The following KALRN variants were observed in gnomAD, a reference collection of about 807,000 sequenced individuals.
KALRN encodes kalirin RhoGEF kinase.
In KALRN, 70 loss-of-function variants were observed where a neutral mutation model predicts 353.7. The observed-to-expected ratio is 0.20, with a 90% CI of 0.16 to 0.24. The LOEUF (loss-of-function observed/expected upper bound fraction) is 0.24. Among genes scored for constraint, KALRN ranks in the 10% least tolerant of loss-of-function variants. The probability of loss-of-function intolerance (pLI) is 1.00; values close to 1 mark genes in which losing one functional copy is unlikely to be tolerated. For missense variants in KALRN, 2,791 were observed against 3,756.7 expected (o/e 0.74, Z 6.72); for synonymous variants, 1,391 against 1,434.8 (o/e 0.97, Z 0.69).
At chr3:124,458,523 TA>T (rs2107631772) in intron 23 of KALRN, among the ~76,000 whole-genome samples, 1 of 152,312 alleles carries the variant, frequency 6.6e-6, no homozygotes, top group South Asian at 2.1e-4. Context: ...AGCCAATTCT[TA>T]AGCATATGTC....
At chr3:124,244,719 A>G (rs2148682579) in intron 3 of KALRN, among the ~76,000 whole-genome samples, 1 of 152,340 alleles carries the variant, frequency 6.6e-6, no homozygotes, top group Non-Finnish European at 1.5e-5. Flanking sequence ...AGTCGTTTCC[A>G]GAAGTTCAGT....
chr3:124,491,712 T>C (rs2063179486), intron 31 of KALRN: 1 of 276,806 alleles, frequency 3.6e-6, no homozygotes, highest in Non-Finnish European at 6.7e-6. Flanking sequence ...AACTGTGCTC[T>C]GTCCGTATCT....
intron 10 of KALRN, among the ~76,000 whole-genome samples, chr3:124,368,875 A>G (rs9818454): frequency 0.028 from 4,334 of 152,318 alleles, 201 homozygotes; most frequent in African/African-American, 0.099. Context: ...GCCGGCCAAC[A>G]CAGCGAAACC....
intron 1 of KALRN, among the ~76,000 whole-genome samples, chr3:124,097,680 TG>T (rs1414989285): frequency 2.6e-5 from 4 of 152,204 alleles, no homozygotes; most frequent in African/African-American, 4.8e-5. Flanking sequence ...AGCGTAGGCT[TG>T]ATGATTGCAG....
intron 5 of KALRN, among the ~76,000 whole-genome samples, chr3:124,283,994 T>C (rs1458699216): frequency 6.6e-5 from 10 of 152,384 alleles, no homozygotes; most frequent in South Asian, 2.1e-4. Flanking sequence ...TTTTCATATA[T>C]TATCATATTA....
At chr3:124,247,554 TA>T (rs1287323912) in intron 3 of KALRN, among the ~76,000 whole-genome samples, 1 of 152,178 alleles carries the variant, frequency 6.6e-6, no homozygotes, top group African/African-American at 2.4e-5. Context: ...TTAAAAAAAC[TA>T]AAACACTAAC....
intron 2 of KALRN, among the ~76,000 whole-genome samples, chr3:124,230,018 C>G (rs2078976326): frequency 6.6e-6 from 1 of 152,116 alleles, no homozygotes; most frequent in Non-Finnish European, 1.5e-5. Context: ...CCTTTAGAAA[C>G]TTGGATTCTG....
At chr3:124,138,120 T>A (rs2066159447) in intron 1 of KALRN, among the ~76,000 whole-genome samples, 1 of 152,102 alleles carries the variant, frequency 6.6e-6, no homozygotes, top group South Asian at 2.1e-4. Flanking sequence ...GTTTCAGGCA[T>A]CTCCCACAAT....
chr3:124,064,790 C>T (rs1356573861), intron 1 of KALRN, among the ~76,000 whole-genome samples: 1 of 152,118 alleles, frequency 6.6e-6, no homozygotes, highest in Non-Finnish European at 1.5e-5. Context: ...CTTTTCTTTC[C>T]AACTTGATAC....
chr3:124,460,687 G>A (rs1359747515), intron 23 of KALRN, among the ~76,000 whole-genome samples: 1 of 152,192 alleles, frequency 6.6e-6, no homozygotes, highest in Non-Finnish European at 1.5e-5. Flanking sequence ...GAGACCTGGA[G>A]AGGCAAGTCC....
chr3:124,568,993 T>C (rs2073194010), intron 34 of KALRN, among the ~76,000 whole-genome samples: 1 of 152,218 alleles, frequency 6.6e-6, no homozygotes, highest in African/African-American at 2.4e-5. Context: ...TTTTAAAAAG[T>C]ATTGGTCCTG....
At chr3:124,289,205 A>G (rs2076213450) in intron 5 of KALRN, among the ~76,000 whole-genome samples, 1 of 152,106 alleles carries the variant, frequency 6.6e-6, no homozygotes, top group Non-Finnish European at 1.5e-5. Flanking sequence ...TGATGACCTC[A>G]TCTAATCCTA....
chr3:124,267,063 C>T (rs1016678380), intron 4 of KALRN, among the ~76,000 whole-genome samples: 4 of 152,154 alleles, frequency 2.6e-5, no homozygotes, highest in African/African-American at 4.8e-5. Flanking sequence ...AGCTGGGGGC[C>T]TCCCAATCAA....
intron 38 of KALRN, among the ~76,000 whole-genome samples, chr3:124,651,795 G>A (rs2083449294): frequency 6.6e-6 from 1 of 151,770 alleles, no homozygotes; most frequent in South Asian, 2.1e-4. Context: ...GCGCCACCAT[G>A]CCTGGCTAAT....
chr3:124,504,845 T>TC, intron 33 of KALRN: 1 of 475,924 alleles, frequency 2.1e-6, no homozygotes, highest in South Asian at 1.5e-5. Flanking sequence ...CAAATTGAAA[T>TC]CCACTTTATT....
chr3:124,616,703 T>G (rs547693297), intron 34 of KALRN, among the ~76,000 whole-genome samples: 1 of 152,178 alleles, frequency 6.6e-6, no homozygotes, highest in East Asian at 1.9e-4. Context: ...CGGTAGCTCA[T>G]GCCTGTAATC....
Position 124,661,942 on chromosome 3 carries a change from A to G in KALRN, c.6345+14A>G. On this transcript the variant is annotated intron_variant, in intron 45 of 59. Transcript: ENST00000682506. ...CAGGGCTTTGAGGTGAGTCTTTAAG[A>G]ATGCGTCTAAGCCCACTCTCTCCAG... is the stretch of plus-strand genomic sequence containing the variant. The G allele has an allele frequency of 6.2e-7, 1 of 1,606,276 alleles. No homozygotes were observed. The highest frequency in any genetic ancestry group is 8.5e-7 in the Non-Finnish European group (1 of 1,172,988).
At chr3:124,135,770 T>C (rs138394795) in intron 1 of KALRN, among the ~76,000 whole-genome samples, 84 of 152,218 alleles carry the variant, frequency 5.5e-4, no homozygotes, top group African/African-American at 1.9e-3. Context: ...GGGACCAGTG[T>C]AGGGGACATT....
chr3:124,420,403 G>A (rs1377868202), intron 14 of KALRN, among the ~76,000 whole-genome samples: 2 of 152,264 alleles, frequency 1.3e-5, no homozygotes, highest in Non-Finnish European at 2.9e-5. Context: ...CTGGAAGTGA[G>A]AAAGAGCGTC....
Sources: gnomAD v4.1 joint callset for allele counts (sites outside exome capture counted in the v4.1 genomes callset) on GRCh38, gnomAD v4.1.1 for gene constraint, MANE v1.5 for transcripts, NCBI Gene and HGNC (gene_info 2026-07-23, HGNC 2026-07-21) for gene names.